Variants in WWOX observed in about 807,000 individuals in gnomAD.
The protein encoded by WWOX is WW domain-containing oxidoreductase.
In WWOX, 69 loss-of-function variants were observed where a neutral mutation model predicts 46.2. The ratio of observed to expected loss-of-function variants is 1.49; its 90% confidence interval spans 1.23 to 1.82. WWOX has a LOEUF of 1.82. Among genes scored for constraint, WWOX ranks in the 40% most tolerant of loss-of-function variants. The pLI, the probability that WWOX is intolerant of heterozygous loss-of-function variation, is 0.00. For missense variants in WWOX, 919 were observed against 542.6 expected (o/e 1.69, Z -6.89); for synonymous variants, 359 against 202.6 (o/e 1.77, Z -6.56).
chr16:78,392,764 G>A (rs866024777), intron 6 of WWOX, among the ~76,000 whole-genome samples: 5 of 152,050 alleles, frequency 3.3e-5, no homozygotes, highest in Admixed American at 6.5e-5. Context: ...TGGTGTAATC[G>A]TCCAAGAGTA....
chr16:79,125,140 A>G (rs2049724221), intron 8 of WWOX, among the ~76,000 whole-genome samples: 1 of 152,094 alleles, frequency 6.6e-6, no homozygotes, highest in Non-Finnish European at 1.5e-5. Context: ...CAGTTTGAAA[A>G]GAAATCCTGG....
At chr16:79,165,693 G>C (rs9972791) in intron 8 of WWOX, among the ~76,000 whole-genome samples, 84,178 of 151,942 alleles carry the variant, frequency 0.55, 24,520 homozygotes, top group East Asian at 0.87. Flanking sequence ...CCCAGTCCAT[G>C]ATTTCTTATT....
At chr16:78,989,740 G>C (rs1047128707) in intron 8 of WWOX, among the ~76,000 whole-genome samples, 1 of 152,056 alleles carries the variant, frequency 6.6e-6, no homozygotes, top group African/African-American at 2.4e-5. Context: ...TGTGCAAAGA[G>C]GGCGGTGAGA....
chr16:79,016,668 C>T (rs1164302292), intron 8 of WWOX: 1 of 90,294 alleles, frequency 1.1e-5, no homozygotes, highest in Non-Finnish European at 2.5e-5. Flanking sequence ...GGTGATCCAC[C>T]TGCATCGGCT....
intron 8 of WWOX, among the ~76,000 whole-genome samples, chr16:78,522,500 GTCT>G (rs1324431552): frequency 6.6e-6 from 1 of 152,136 alleles, no homozygotes; most frequent in East Asian, 1.9e-4. Context: ...ACTCTTCTCT[GTCT>G]TCTTCAGAAG....
At chr16:78,574,160 C>T (rs1421052373) in intron 8 of WWOX, among the ~76,000 whole-genome samples, 2 of 152,154 alleles carry the variant, frequency 1.3e-5, no homozygotes, top group Non-Finnish European at 2.9e-5. Context: ...TGGGCTTTTC[C>T]CACAAAGCAG....
chr16:78,871,856 G>A (rs566618062), intron 8 of WWOX, among the ~76,000 whole-genome samples: 12 of 152,256 alleles, frequency 7.9e-5, no homozygotes, highest in Admixed American at 3.9e-4. Flanking sequence ...GCCCACCTTG[G>A]CCTCCCAAAG....
At chr16:78,998,106 C>G (rs188207883) in intron 8 of WWOX, among the ~76,000 whole-genome samples, 4 of 152,204 alleles carry the variant, frequency 2.6e-5, no homozygotes, top group Non-Finnish European at 4.4e-5. Context: ...GAACTCCTGA[C>G]CTCAGGTGAT....
intron 8 of WWOX, among the ~76,000 whole-genome samples, chr16:78,682,403 C>T (rs1454672310): frequency 2.0e-5 from 3 of 152,140 alleles, no homozygotes; most frequent in Non-Finnish European, 4.4e-5. Flanking sequence ...GGGTAGTTGG[C>T]ACCAGTCTTC....
chr16:78,380,790 C>T (rs1171410506), intron 5 of WWOX, among the ~76,000 whole-genome samples: 1 of 152,068 alleles, frequency 6.6e-6, no homozygotes, highest in Admixed American at 6.5e-5. Flanking sequence ...GTAACTTGCC[C>T]AGCCCCAAAC....
At chr16:78,652,022 G>C (rs905990963) in intron 8 of WWOX, among the ~76,000 whole-genome samples, 1 of 152,054 alleles carries the variant, frequency 6.6e-6, no homozygotes, top group African/African-American at 2.4e-5. Context: ...TGTATTATTG[G>C]CATTCCTAGG....
chr16:79,066,835 G>T (rs1468255741), intron 8 of WWOX, among the ~76,000 whole-genome samples: 1 of 152,214 alleles, frequency 6.6e-6, no homozygotes, highest in Non-Finnish European at 1.5e-5. Context: ...CCATTTTCCA[G>T]TTTAACTTTC....
At chr16:78,594,377 A>T (rs947787908) in intron 8 of WWOX, among the ~76,000 whole-genome samples, 2 of 142,006 alleles carry the variant, frequency 1.4e-5, no homozygotes, top group African/African-American at 5.4e-5. Flanking sequence ...CTGCAGCAAA[A>T]CCTGACCTCT....
At chr16:78,468,003 T>G (rs2084122034) in intron 8 of WWOX, among the ~76,000 whole-genome samples, 1 of 152,148 alleles carries the variant, frequency 6.6e-6, no homozygotes, top group Non-Finnish European at 1.5e-5. Context: ...GGGGTTCCAC[T>G]GGTATATTTT....
At chr16:79,024,869 C>G (rs887197670) in intron 8 of WWOX, among the ~76,000 whole-genome samples, 2 of 152,274 alleles carry the variant, frequency 1.3e-5, no homozygotes, top group East Asian at 3.9e-4. Flanking sequence ...CACACCTGGC[C>G]GCTGGAAATA....
chr16:78,187,081 G>A (rs1416614784), intron 5 of WWOX, among the ~76,000 whole-genome samples: 1 of 152,166 alleles, frequency 6.6e-6, no homozygotes, highest in Admixed American at 6.5e-5. Flanking sequence ...TCAGGATACA[G>A]AACTGTCCCA....
chr16:79,075,267 T>C (rs1454870510), intron 8 of WWOX, among the ~76,000 whole-genome samples: 1 of 152,220 alleles, frequency 6.6e-6, no homozygotes, highest in Non-Finnish European at 1.5e-5. Context: ...AGTTACTTAT[T>C]CTACATTCGT....
At position 78,895,172 on chromosome 16, in the gene WWOX, G is replaced by A. The variant is rs532099199; in HGVS notation, c.1057-316436G>A. 2.0e-5 allele frequency among the ~76,000 whole-genome samples: 3 copies of A among 152,300 alleles called. No individual in the cohort carries two copies. In the South Asian group the frequency reaches 6.2e-4, roughly 32 times the overall value. ...TTCAAACCACATTTCAAAGTTGATA[G>A]CATCAACGGCTTTAAAATCACTTTT... is the stretch of plus-strand genomic sequence containing the variant. On this transcript the variant is annotated intron_variant, in intron 8 of 8. Transcript: ENST00000566780.
chr16:78,237,458 C>T (rs764154817), intron 5 of WWOX: 19 of 152,170 alleles, frequency 1.2e-4, no homozygotes, highest in Non-Finnish European at 2.5e-4. Flanking sequence ...CAAGTAGTGT[C>T]TTGTTTTAGG....
Sources: gnomAD v4.1 joint callset for allele counts (sites outside exome capture counted in the v4.1 genomes callset) on GRCh38, gnomAD v4.1.1 for gene constraint, MANE v1.5 for transcripts, NCBI Gene and HGNC (gene_info 2026-07-23, HGNC 2026-07-21) for gene names.